DNER: variants seen among roughly 807,000 people sequenced by gnomAD.
DNER encodes the protein delta/notch like EGF repeat containing, also known as delta and Notch-like epidermal growth factor-related receptor.
DNER carries 33 observed loss-of-function variants against 78.2 expected under a neutral mutation model. The observed-to-expected ratio is 0.42, with a 90% CI of 0.32 to 0.56. DNER has a LOEUF of 0.56. Ranked by LOEUF, DNER falls within the 20% of genes least tolerant of loss-of-function variation. The probability of loss-of-function intolerance (pLI) is 0.11; values close to 1 mark genes in which losing one functional copy is unlikely to be tolerated. For missense variants in DNER, 918 were observed against 975.3 expected (o/e 0.94, Z 0.78); for synonymous variants, 417 against 384.8 (o/e 1.08, Z -0.98).
chr2:229,504,319 A>G (rs1220649393), intron 6 of DNER, among the ~76,000 whole-genome samples: 1 of 152,122 alleles, frequency 6.6e-6, no homozygotes, highest in African/African-American at 2.4e-5. Flanking sequence ...TCCCGGGTTC[A>G]AGCGATTCTC....
At chr2:229,515,766 G>A (rs1019578677) in intron 5 of DNER, among the ~76,000 whole-genome samples, 2 of 150,648 alleles carry the variant, frequency 1.3e-5, no homozygotes, top group African/African-American at 4.9e-5. Context: ...TCAGCCTCCC[G>A]AGTAGCTGGG....
At chr2:229,656,982 CCA>C (rs1698922817) in intron 1 of DNER, among the ~76,000 whole-genome samples, 11 of 38,866 alleles carry the variant, frequency 2.8e-4, no homozygotes, top group Middle Eastern at 0.011. Context: ...ATCACAGTTA[CCA>C]CGTGTGTGTG....
At chr2:229,472,710 T>C (rs1694948549) in intron 7 of DNER, among the ~76,000 whole-genome samples, 1 of 152,208 alleles carries the variant, frequency 6.6e-6, no homozygotes, top group Non-Finnish European at 1.5e-5. Flanking sequence ...TAAGTGCTTA[T>C]CTTTGTCTTT....
At chr2:229,359,231 A>G (rs1010360984) in intron 12 of DNER, among the ~76,000 whole-genome samples, 1 of 152,002 alleles carries the variant, frequency 6.6e-6, no homozygotes, top group Non-Finnish European at 1.5e-5. Flanking sequence ...CCCACCTATC[A>G]CCTCCCAACC....
chr2:229,604,581 G>A (rs1054101034), intron 1 of DNER, among the ~76,000 whole-genome samples: 10 of 152,108 alleles, frequency 6.6e-5, no homozygotes, highest in East Asian at 1.9e-4. Flanking sequence ...GGGTTGATCC[G>A]CCAAGTGCCA....
intron 7 of DNER, among the ~76,000 whole-genome samples, chr2:229,450,161 T>C (rs767205314): frequency 1.3e-5 from 2 of 152,184 alleles, no homozygotes; most frequent in Non-Finnish European, 2.9e-5. Flanking sequence ...AAGGTGACAG[T>C]TGAGAACTGT....
intron 6 of DNER, among the ~76,000 whole-genome samples, chr2:229,505,358 T>C (rs761713153): frequency 6.6e-6 from 1 of 152,096 alleles, no homozygotes; most frequent in Non-Finnish European, 1.5e-5. Context: ...AGTTATCAGA[T>C]AGATGAGCAA....
intron 11 of DNER, among the ~76,000 whole-genome samples, chr2:229,369,327 TAA>T (rs756985602): frequency 6.7e-5 from 10 of 149,010 alleles, no homozygotes; most frequent in Non-Finnish European, 1.1e-4. Flanking sequence ...TTTAACTTTC[TAA>T]AAAGTTAAAA....
intron 4 of DNER, among the ~76,000 whole-genome samples, chr2:229,555,858 A>G (rs1174905796): frequency 3.3e-5 from 5 of 152,180 alleles, no homozygotes; most frequent in Non-Finnish European, 7.3e-5. Flanking sequence ...GAATGTTGGG[A>G]TGCTACCAGT....
At chr2:229,592,969 T>C (rs1182884296) in intron 1 of DNER, among the ~76,000 whole-genome samples, 1 of 152,208 alleles carries the variant, frequency 6.6e-6, no homozygotes, top group Admixed American at 6.5e-5. Context: ...GTTCTGCTAA[T>C]TATTCCTATC....
intron 8 of DNER, among the ~76,000 whole-genome samples, chr2:229,435,561 A>G (rs1038474797): frequency 1.2e-4 from 18 of 152,212 alleles, no homozygotes; most frequent in Admixed American, 1.1e-3. Context: ...GGCATCAGAG[A>G]CCTGGTAAAA....
intron 1 of DNER, among the ~76,000 whole-genome samples, chr2:229,622,423 A>T (rs1171222941): frequency 6.6e-6 from 1 of 152,156 alleles, no homozygotes; most frequent in East Asian, 1.9e-4. Context: ...CCATTGACCC[A>T]TCTGAGCAAG....
intron 8 of DNER, among the ~76,000 whole-genome samples, chr2:229,437,589 A>G (rs1422270748): frequency 1.3e-5 from 2 of 152,234 alleles, no homozygotes; most frequent in Non-Finnish European, 2.9e-5. Flanking sequence ...AAGTCACAAT[A>G]TATCTCAAAC....
chr2:229,692,068 T>C (rs1022268548), intron 1 of DNER, among the ~76,000 whole-genome samples: 1 of 152,192 alleles, frequency 6.6e-6, no homozygotes, highest in African/African-American at 2.4e-5. Flanking sequence ...CCAGGTGATA[T>C]AAGTTGAGCT....
intron 1 of DNER, among the ~76,000 whole-genome samples, chr2:229,652,078 T>C (rs930394869): frequency 1.3e-5 from 2 of 152,142 alleles, no homozygotes; most frequent in Non-Finnish European, 2.9e-5. Context: ...TCAAAGCAGA[T>C]TTACTTAATG....
Position 229,641,720 on chromosome 2 carries a change from A to G in DNER, c.277-49832T>C, listed in dbSNP as rs147207017. On this transcript the variant is annotated intron_variant, in intron 1 of 12. Coordinates refer to ENST00000341772, the MANE Select transcript of DNER (RefSeq NM_139072.4). ...TGCTAATGAATAGACTTCCAAGAAA[A>G]GAAATAAAAATCAAAAAGGAAAAAC... Among the ~76,000 whole-genome samples the G allele has an allele frequency of 8.0e-3, 1,213 of 152,328 alleles. 9 individuals are homozygous for G. The highest frequency in any genetic ancestry group is 0.014 in the Middle Eastern group (4 of 294).
chr2:229,539,292 A>T (rs1383830020), intron 5 of DNER, among the ~76,000 whole-genome samples: 1 of 152,254 alleles, frequency 6.6e-6, no homozygotes, highest in East Asian at 1.9e-4. Flanking sequence ...CTTCTCTTGC[A>T]CTTCTGTACA....
In DNER at chr2:229,714,452, G is replaced by C; in HGVS notation, c.-29C>G. On this transcript the variant is annotated 5_prime_UTR_variant, in exon 1 of 13. Coordinates refer to ENST00000341772, the MANE Select transcript of DNER (RefSeq NM_139072.4). The stretch of plus-strand genomic sequence containing the variant: ...CGGCCGGGAGGGCGCGGGAGCCGGA[G>C]CCAGGACGCAGTGACGGCGGCGGCG... 1 of 1,113,532 alleles carries C rather than the reference G, an allele frequency of 9.0e-7. No homozygotes were observed. Among genetic ancestry groups the C allele is most frequent in the Non-Finnish European group, 1.1e-6 (1 of 915,162 alleles). 69.0% of individuals were successfully genotyped at this position (1,113,532 alleles called of 1,614,324 possible). A position where few individuals can be genotyped will look rare whatever the true frequency, so the allele number is the denominator to read the frequency against.
intron 1 of DNER, among the ~76,000 whole-genome samples, chr2:229,636,105 C>T (rs4972907): frequency 0.92 from 139,340 of 152,200 alleles, 63,907 homozygotes; most frequent in East Asian, 0.96. Flanking sequence ...CGTGGCACAC[C>T]GTAACTCCTC....
Sources: allele counts gnomAD v4.1 joint callset (sites outside exome capture counted in the v4.1 genomes callset), GRCh38; gene constraint gnomAD v4.1.1; transcripts MANE v1.5; gene names NCBI Gene and HGNC (gene_info 2026-07-23, HGNC 2026-07-21).